ABI2: variants seen among roughly 807,000 people sequenced by gnomAD.
ABI2 encodes the protein abl interactor 2.
ABI2 carries 25 observed loss-of-function variants against 59.2 expected under a neutral mutation model. The ratio of observed to expected loss-of-function variants is 0.42; its 90% CI spans 0.31 to 0.59. The LOEUF is 0.59. Ranked by LOEUF, ABI2 falls within the 20% of genes least tolerant of loss-of-function variation. The probability of loss-of-function intolerance (pLI) is 0.14; values close to 1 mark genes in which losing one functional copy is unlikely to be tolerated. For missense variants in ABI2, 545 were observed against 681.8 expected, an observed-to-expected ratio of 0.80 and a Z score of 2.23; for synonymous variants, 213 against 235.5, an observed-to-expected ratio of 0.90 and a Z score of 0.87.
chr2:203,412,028 G>A (rs961256388), intron 10 of ABI2, among the ~76,000 whole-genome samples: 3 of 152,150 alleles, frequency 2.0e-5, no homozygotes, highest in African/African-American at 7.2e-5. Flanking sequence ...GGCAGTCTTT[G>A]CGAGGGCCAC....
intron 1 of ABI2, among the ~76,000 whole-genome samples, chr2:203,360,530 G>GT (rs1046515904): frequency 2.6e-5 from 4 of 152,288 alleles, no homozygotes; most frequent in South Asian, 2.1e-4. Flanking sequence ...TTAAAGCAGT[G>GT]TAAGTAGTGG....
intron 10 of ABI2, 91 bp from the exon 11 acceptor site, chr2:203,416,816 TA>T: frequency 7.7e-7 from 1 of 1,299,818 alleles, no homozygotes; most frequent in African/African-American, 1.5e-5. Flanking sequence ...TTTTCAAGTC[TA>T]GGTTTATATT....
intron 9 of ABI2, among the ~76,000 whole-genome samples, chr2:203,406,708 G>T (rs2097440648): frequency 6.6e-6 from 1 of 152,162 alleles, no homozygotes. Flanking sequence ...TTGTTGTCCA[G>T]GCTGGAGTGC....
chr2:203,390,943 T>C (rs1437417070), intron 4 of ABI2, 103 bp from the exon 5 acceptor site: 8 of 877,624 alleles, frequency 9.1e-6, no homozygotes, highest in Non-Finnish European at 1.5e-5. Context: ...TTTCCCTTTA[T>C]TTAAACCTTC....
chr2:203,388,209 A>G (rs1475515895), intron 4 of ABI2, among the ~76,000 whole-genome samples: 1 of 152,206 alleles, frequency 6.6e-6, no homozygotes, highest in Non-Finnish European at 1.5e-5. Context: ...TTGAGGAAAT[A>G]TTGAAAAACT....
At chr2:203,392,021 AAAATTCTGTTTCAGCTGTGCTG>A (rs1171910399) in intron 5 of ABI2, among the ~76,000 whole-genome samples, 3 of 152,130 alleles carry the variant, frequency 2.0e-5, no homozygotes, top group Non-Finnish European at 4.4e-5. Context: ...CCAGGTGATT[AAAATTCTGTTTCAGCTGTGCTG>A]TTACTTTATA....
At chr2:203,415,806 G>A (rs2097867851) in intron 10 of ABI2, among the ~76,000 whole-genome samples, 6 of 152,100 alleles carry the variant, frequency 3.9e-5, no homozygotes, top group Admixed American at 3.9e-4. Flanking sequence ...ATTCTGTTCA[G>A]TTGTGCTCAC....
intron 4 of ABI2, among the ~76,000 whole-genome samples, chr2:203,382,903 A>G (rs2096229872): frequency 6.6e-6 from 1 of 152,228 alleles, no homozygotes; most frequent in Non-Finnish European, 1.5e-5. Context: ...ATAATGTTTA[A>G]CAGAATATCA....
chr2:203,367,051 C>T lies in ABI2; in HGVS notation c.285+7C>T, dbSNP rs780661656. The T allele has an allele frequency of 1.2e-6, 2 of 1,607,984 alleles. No homozygotes were observed. ...AATCAATCATATTTCACAAGTGAGA[C>T]CACAATATTTTCCTATTTGCCTATG... On this transcript the variant is annotated splice_region_variant and intron_variant, in intron 2 of 11. Transcript: ENST00000261018.
chr2:203,382,946 C>G (rs764969823), intron 4 of ABI2, among the ~76,000 whole-genome samples: 5 of 151,992 alleles, frequency 3.3e-5, no homozygotes, highest in Non-Finnish European at 7.4e-5. Flanking sequence ...TGTTAGAATT[C>G]GTTTCAATAA....
At chr2:203,353,824 T>G (rs2090366292) in intron 1 of ABI2, among the ~76,000 whole-genome samples, 1 of 152,144 alleles carries the variant, frequency 6.6e-6, no homozygotes, top group Non-Finnish European at 1.5e-5. Context: ...TCTTATCTGT[T>G]TCTTCTGGTA....
chr2:203,338,127 C>T (rs2077304901), intron 1 of ABI2, among the ~76,000 whole-genome samples: 3 of 152,206 alleles, frequency 2.0e-5, no homozygotes, highest in Admixed American at 2.0e-4. Flanking sequence ...CACATCTGTG[C>T]AGTCAACTAA....
chr2:203,407,076 T>C (rs1000067158), intron 9 of ABI2, among the ~76,000 whole-genome samples: 1 of 152,156 alleles, frequency 6.6e-6, no homozygotes. Context: ...TTTCTTGGAG[T>C]TGAGCTGAAA....
chr2:203,356,378 A>AT (rs1366404628), intron 1 of ABI2, among the ~76,000 whole-genome samples: 1 of 151,532 alleles, frequency 6.6e-6, no homozygotes, highest in East Asian at 1.9e-4. Flanking sequence ...ATTTTATTTT[A>AT]TTTATTTTGA....
intron 11 of ABI2, 94 bp from the exon 12 acceptor site, chr2:203,427,083 G>A: frequency 8.9e-7 from 1 of 1,120,966 alleles, no homozygotes; most frequent in Non-Finnish European, 1.3e-6. Flanking sequence ...GAGTGCTACA[G>A]GATTTGGGAA....
intron 9 of ABI2, among the ~76,000 whole-genome samples, chr2:203,407,640 T>C (rs912923793): frequency 6.6e-6 from 1 of 152,338 alleles, no homozygotes; most frequent in Non-Finnish European, 1.5e-5. Flanking sequence ...CCTTTTACTG[T>C]TTATATCTAA....
intron 4 of ABI2, 70 bp from the exon 5 acceptor site, chr2:203,390,976 G>A: frequency 8.6e-7 from 1 of 1,159,688 alleles, no homozygotes; most frequent in Non-Finnish European, 1.3e-6. Flanking sequence ...ATGTAGTGTA[G>A]CATATTATTT....
In ABI2 at chr2:203,365,274, A is replaced by T. The variant is rs577105452; in HGVS notation, c.118-1603A>T. The stretch of plus-strand genomic sequence containing the variant: ...GATGCTTTGTAACCAGCTTTTTTTC[A>T]CTTAGTTATATCGTAGATATCTTTA... On this transcript the variant is annotated intron_variant, in intron 1 of 11. Transcript: ENST00000261018. 1.2e-3 allele frequency among the ~76,000 whole-genome samples: 188 copies of T among 152,228 alleles called. 2 individuals are homozygous for T. Among genetic ancestry groups the T allele is most frequent in the Non-Finnish European group, 1.0e-3 (68 of 68,016 alleles).
intron 9 of ABI2, among the ~76,000 whole-genome samples, chr2:203,409,914 T>G (rs138204560): frequency 6.6e-6 from 1 of 152,326 alleles, no homozygotes; most frequent in African/African-American, 2.4e-5. Context: ...CACTAAGCAC[T>G]CTTCCACCAG....
Sources: gnomAD v4.1 joint callset for allele counts (sites outside exome capture counted in the v4.1 genomes callset) on GRCh38, gnomAD v4.1.1 for gene constraint, MANE v1.5 for transcripts, NCBI Gene and HGNC (gene_info 2026-07-23, HGNC 2026-07-21) for gene names.